The following ERC1 variants were observed in gnomAD, a reference collection of about 807,000 sequenced individuals.
ERC1 encodes ELKS/RAB6-interacting/CAST family member 1, also known as RAB6 interacting protein 2.
In ERC1, 56 loss-of-function variants were observed where a neutral mutation model predicts 132.0. The ratio of observed to expected loss-of-function variants is 0.42; its 90% CI spans 0.34 to 0.53. ERC1 has a LOEUF of 0.53. Among genes scored for constraint, ERC1 ranks in the 20% least tolerant of loss-of-function variants. The pLI is 0.03. For missense variants in ERC1, 1,202 were observed against 1,349.9 expected (o/e 0.89, Z 1.72); for synonymous variants, 478 against 476.1 (o/e 1.00, Z -0.05).
intron 8 of ERC1, among the ~76,000 whole-genome samples, chr12:1,154,882 CTAT>C (rs562072950): frequency 2.5e-4 from 38 of 152,178 alleles, no homozygotes; most frequent in African/African-American, 8.7e-4. Context: ...TCCAGAAGGG[CTAT>C]TATTAAAAAG....
chr12:1,187,107 A>T (rs1479292351), intron 11 of ERC1, among the ~76,000 whole-genome samples: 2 of 152,232 alleles, frequency 1.3e-5, no homozygotes, highest in Non-Finnish European at 2.9e-5. Flanking sequence ...ATGGGGTGAC[A>T]GGCGTGAGCC....
At chr12:1,030,646 G>A (rs570460362) in intron 2 of ERC1, among the ~76,000 whole-genome samples, 1 of 152,290 alleles carries the variant, frequency 6.6e-6, no homozygotes, top group Admixed American at 6.5e-5. Flanking sequence ...ACCTGAGCCT[G>A]GGAGGTCGAG....
chr12:1,236,851 G>C lies in ERC1; in HGVS notation c.2434G>C (p.Glu812Gln), dbSNP rs1050687620. ...VEKKKSAQML[E>Q]EARRREDNLN... Reference sequence around the variant, plus strand: ...AAAAAAGAAGAGTGCACAAATGTTAGAGGAGGCGCGACGACGGGAGGACAA... The same window carrying C: ...AAAAAAGAAGAGTGCACAAATGTTACAGGAGGCGCGACGACGGGAGGACAA... Residue 812 changes from glutamate to glutamine, a missense_variant, in exon 13 of 19, where the codon GAG becomes CAG. Glu to Gln is a conservative substitution (Grantham distance 29, BLOSUM62 2). Coordinates refer to ENST00000360905, the MANE Select transcript of ERC1 (RefSeq NM_178040.4). 3.1e-5 allele frequency: 50 copies of C among 1,614,016 alleles called. No homozygotes were observed. The highest frequency in any genetic ancestry group is 4.2e-5 in the Non-Finnish European group (50 of 1,180,026).
In ERC1 at chr12:1,399,476, T is replaced by C. The variant is rs537988094; in HGVS notation, c.2926-8673T>C. 5.3e-5 allele frequency among the ~76,000 whole-genome samples: 8 copies of C among 152,342 alleles called. No individual in the cohort carries two copies. The South Asian group carries it at 8.3e-4, about 16-fold the overall frequency. On this transcript the variant is annotated intron_variant, in intron 16 of 18. Coordinates refer to ENST00000360905, the MANE Select transcript of ERC1 (RefSeq NM_178040.4). The stretch of plus-strand genomic sequence containing the variant: ...AGTATTATTTCAGTGTCATCGCTTT[T>C]TATATATTAAATACATTTTCACAAA...
Position 1,270,194 on chromosome 12 carries a change from T to C in ERC1, c.2619+7029T>C, listed in dbSNP as rs560999506. On this transcript the variant is annotated intron_variant, in intron 14 of 18. Transcript: ENST00000360905. ...ATAGAAGTGAAACATACCGATAGAA[T>C]TGATGCTGAACCCTTATCTTCCTTT... Among the ~76,000 whole-genome samples the C allele has an allele frequency of 2.6e-5, 4 of 152,268 alleles. No homozygotes were observed. In the East Asian group the frequency reaches 7.7e-4, roughly 29 times the overall value.
chr12:1,133,561 G>A (rs1948975094), intron 7 of ERC1, among the ~76,000 whole-genome samples: 1 of 152,154 alleles, frequency 6.6e-6, no homozygotes. Flanking sequence ...TTCCACTAAG[G>A]TCTTTACTCT....
chr12:1,400,629 C>T (rs7972531), intron 16 of ERC1, among the ~76,000 whole-genome samples: 2,075 of 152,170 alleles, frequency 0.014, 48 homozygotes, highest in African/African-American at 0.048. Flanking sequence ...ATGAGTTTGA[C>T]ATCATTTTCT....
chr12:1,463,347 C>G (rs1422167488), intron 18 of ERC1, among the ~76,000 whole-genome samples: 1 of 152,176 alleles, frequency 6.6e-6, no homozygotes, highest in Non-Finnish European at 1.5e-5. Context: ...GTGTATCGCT[C>G]AAGTAGCCAA....
At chr12:1,388,313 G>A (rs11061738) in intron 16 of ERC1, among the ~76,000 whole-genome samples, 18,865 of 140,392 alleles carry the variant, frequency 0.13, 3,140 homozygotes, top group African/African-American at 0.4. Context: ...TTGCGCCACC[G>A]CACTCCAGCC....
intron 12 of ERC1, among the ~76,000 whole-genome samples, chr12:1,194,315 G>A (rs904497521): frequency 1.3e-5 from 2 of 152,164 alleles, no homozygotes; most frequent in Admixed American, 1.3e-4. Flanking sequence ...CAGCTACTCA[G>A]GAGGCTGAGG....
At chr12:1,356,554 A>G (rs553167840) in intron 15 of ERC1, among the ~76,000 whole-genome samples, 5 of 152,336 alleles carry the variant, frequency 3.3e-5, no homozygotes, top group East Asian at 3.9e-4. Flanking sequence ...AAATAATGCC[A>G]TAGCTAAGGA....
chr12:1,134,195 C>G (rs1302918548), intron 7 of ERC1, among the ~76,000 whole-genome samples: 2 of 151,840 alleles, frequency 1.3e-5, no homozygotes, highest in African/African-American at 2.4e-5. Flanking sequence ...CCTCGTGCAC[C>G]CCCTCCCCCT....
intron 13 of ERC1, among the ~76,000 whole-genome samples, chr12:1,244,124 T>G (rs1444821898): frequency 6.6e-6 from 1 of 152,222 alleles, no homozygotes; most frequent in Non-Finnish European, 1.5e-5. Context: ...CTCGGGCACA[T>G]AATTCCAGAT....
chr12:999,436 G>A (rs976093318), intron 1 of ERC1, among the ~76,000 whole-genome samples: 3 of 152,088 alleles, frequency 2.0e-5, no homozygotes, highest in Non-Finnish European at 4.4e-5. Flanking sequence ...ACACCACTGG[G>A]TGCTTAAGCC....
chr12:1,467,603 A>G (rs2093769782), intron 18 of ERC1, among the ~76,000 whole-genome samples: 1 of 152,184 alleles, frequency 6.6e-6, no homozygotes, highest in South Asian at 2.1e-4. Flanking sequence ...TTCCACAGAC[A>G]GGGGAGTGGC....
intron 7 of ERC1, among the ~76,000 whole-genome samples, chr12:1,132,969 C>T (rs1948907571): frequency 2.0e-5 from 3 of 151,982 alleles, no homozygotes; most frequent in Admixed American, 2.0e-4. Context: ...GATTCTCCTG[C>T]TTCAGCCTCC....
At chr12:1,334,347 AG>A (rs1408154388) in intron 15 of ERC1, among the ~76,000 whole-genome samples, 1 of 152,208 alleles carries the variant, frequency 6.6e-6, no homozygotes, top group Non-Finnish European at 1.5e-5. Flanking sequence ...GTTGTCTTCC[AG>A]GTTTTTTATA....
At chr12:1,264,533 G>A (rs921915241) in intron 14 of ERC1, among the ~76,000 whole-genome samples, 18 of 151,888 alleles carry the variant, frequency 1.2e-4, no homozygotes, top group African/African-American at 3.6e-4. Context: ...GCGTGGTGGC[G>A]GGCGCCTGTA....
At position 1,371,876 on chromosome 12, in the gene ERC1, A is replaced by G. The variant is rs754857077; in HGVS notation, c.2824A>G (p.Ile942Val). 3.1e-6 allele frequency: 5 copies of G among 1,614,094 alleles called. No homozygotes were observed. Among genetic ancestry groups the G allele is most frequent in the East Asian group, 2.2e-5 (1 of 44,888 alleles). ...TGCCATTAGTGAAAAAGACGCCAATATAGCTCTCTTGGAGCTTTCGTCCTC... is the reference window on the plus strand; with the variant it reads ...TGCCATTAGTGAAAAAGACGCCAATGTAGCTCTCTTGGAGCTTTCGTCCTC... The part of the protein sequence containing the change: ...LAAISEKDAN[I>V]ALLELSSSKK... Residue 942 changes from isoleucine to valine, a missense_variant, in exon 16 of 19, where the codon ATA (isoleucine) becomes GTA (valine). By Grantham distance (29) the Ile-to-Val change is conservative. Coordinates refer to ENST00000360905, the MANE Select transcript of ERC1 (RefSeq NM_178040.4).
Sources: gnomAD v4.1 joint callset for allele counts (sites outside exome capture counted in the v4.1 genomes callset) on GRCh38, gnomAD v4.1.1 for gene constraint, MANE v1.5 for transcripts, NCBI Gene and HGNC (gene_info 2026-07-23, HGNC 2026-07-21) for gene names.